Variants in GALNT7 observed in about 807,000 individuals in gnomAD.
GALNT7 encodes the protein polypeptide N-acetylgalactosaminyltransferase 7.
A neutral mutation model predicts 82.1 loss-of-function variants in GALNT7; 60 were observed. That is an observed-to-expected ratio of 0.73 (90% CI 0.59 to 0.91). GALNT7 has a LOEUF of 0.91. Among genes scored for constraint, GALNT7 ranks in the 40% least tolerant of loss-of-function variants. The pLI is 0.00. For synonymous variants in GALNT7, 243 were observed against 275.1 expected, an observed-to-expected ratio of 0.88 and a Z score of 1.15; for missense variants, 660 against 804.2, an observed-to-expected ratio of 0.82 and a Z score of 2.17.
intron 1 of GALNT7, among the ~76,000 whole-genome samples, chr4:173,193,668 G>A (rs1353054257): frequency 6.6e-6 from 1 of 152,102 alleles, no homozygotes; most frequent in Non-Finnish European, 1.5e-5. Context: ...GTGTAAATAA[G>A]TGATAAAGCA....
intron 1 of GALNT7, among the ~76,000 whole-genome samples, chr4:173,216,727 A>ATATATATATATTTTTTTTTTT (rs71244915): frequency 1.5e-4 from 2 of 12,980 alleles, no homozygotes; most frequent in African/African-American, 5.6e-4. Flanking sequence ...ATATATATAT[A>ATATATATATATTTTTTTTTTT]TTTTTTTTTT....
chr4:173,318,756 T>C, intron 11 of GALNT7, 197 bp downstream of exon 11: 1 of 440,488 alleles, frequency 2.3e-6, no homozygotes. Flanking sequence ...TTTTGTTCTC[T>C]CTTACAATAT....
At chr4:173,301,400 C>G (rs1736929244) in intron 6 of GALNT7, among the ~76,000 whole-genome samples, 1 of 152,010 alleles carries the variant, frequency 6.6e-6, no homozygotes, top group Admixed American at 6.6e-5. Context: ...TTCTCTTGGA[C>G]CTAAAAAGTG....
At position 173,318,692 on chromosome 4, in the gene GALNT7, T is replaced by C; in HGVS notation, c.1836+133T>C. On this transcript the variant is annotated intron_variant, in intron 11 of 11. Coordinates refer to ENST00000265000, the MANE Select transcript of GALNT7 (RefSeq NM_017423.3). Reference sequence around the variant, plus strand: ...TGCATTTTCCTCTCATTTAGTCCCTTGCATAGGTTTTCCTGAGCACTGGAT... The same window carrying C: ...TGCATTTTCCTCTCATTTAGTCCCTCGCATAGGTTTTCCTGAGCACTGGAT... The C allele has an allele frequency of 1.2e-5, 7 of 601,860 alleles. No individual in the cohort carries two copies. In the South Asian group the frequency reaches 1.4e-4, roughly 12 times the overall value. The allele number at this position is 601,860 out of a possible 1,614,324, so 37.3% of individuals were successfully genotyped here.
At chr4:173,219,931 A>C (rs1229500876) in intron 1 of GALNT7, among the ~76,000 whole-genome samples, 1 of 151,316 alleles carries the variant, frequency 6.6e-6, no homozygotes, top group African/African-American at 2.4e-5. Context: ...ATTTTCTCCC[A>C]CTCTGTGGGT....
At chr4:173,271,219 A>G (rs914573822) in intron 2 of GALNT7, among the ~76,000 whole-genome samples, 13 of 152,144 alleles carry the variant, frequency 8.5e-5, no homozygotes, top group Admixed American at 8.5e-4. Context: ...TTTTTATGAG[A>G]ATAAAGGTAT....
rs916179980 is a variant in GALNT7 at position 173,323,273 on chromosome 4, A to G, written c.*1556A>G. 6.6e-6 allele frequency: 1 copy of G among 152,604 alleles called. No homozygotes were observed. Among genetic ancestry groups the G allele is most frequent in the Non-Finnish European group, 1.5e-5 (1 of 67,994 alleles). The allele number at this position is 152,604 out of a possible 1,614,324, so 9.5% of individuals were successfully genotyped here. ...TTGTTTTTTAATTTAAGAGGGAAAT[A>G]TAACCTATAAATTTGTTTCTTCCAA... On this transcript the variant is annotated 3_prime_UTR_variant, in exon 12 of 12. Transcript: ENST00000265000.
chr4:173,292,092 A>G lies in GALNT7; in HGVS notation c.588-16A>G. 1.9e-6 allele frequency: 3 copies of G among 1,580,252 alleles called. No individual in the cohort carries two copies. Among genetic ancestry groups the G allele is most frequent in the South Asian group, 1.1e-5 (1 of 87,986 alleles). ...GATTACCTGTAAATAAATATGATGA[A>G]ATTTTCTCTTTACAGATGCAAGTAT... On this transcript the variant is annotated splice_polypyrimidine_tract_variant and intron_variant, in intron 2 of 11. Transcript: ENST00000265000. The surrounding 1 kb of genome is among the most constrained non-coding windows in gnomAD (Gnocchi z 4.8).
chr4:173,285,234 T>C (rs963314731), intron 2 of GALNT7, among the ~76,000 whole-genome samples: 1 of 152,336 alleles, frequency 6.6e-6, no homozygotes, highest in East Asian at 1.9e-4. Context: ...TGCATGCAAA[T>C]CCATGTTCAG....
chr4:173,169,860 G>A (rs1037948511), intron 1 of GALNT7, among the ~76,000 whole-genome samples: 17 of 152,096 alleles, frequency 1.1e-4, no homozygotes, highest in Non-Finnish European at 1.5e-4. Flanking sequence ...TCGGCGCCCG[G>A]CCGCCCCGCG....
At chr4:173,293,842 A>G (rs1449968421) in intron 3 of GALNT7, among the ~76,000 whole-genome samples, 1 of 152,214 alleles carries the variant, frequency 6.6e-6, no homozygotes, top group East Asian at 1.9e-4. Context: ...CAGCTCAGAC[A>G]CTGCCTGCAG....
intron 1 of GALNT7, among the ~76,000 whole-genome samples, chr4:173,226,650 T>A (rs1561162569): frequency 6.6e-6 from 1 of 152,144 alleles, no homozygotes; most frequent in Non-Finnish European, 1.5e-5. Flanking sequence ...CAACTGTCTG[T>A]CTTCTGTGTG....
chr4:173,170,420 G>C (rs574664350), intron 1 of GALNT7, among the ~76,000 whole-genome samples: 3 of 152,336 alleles, frequency 2.0e-5, no homozygotes, highest in Non-Finnish European at 2.9e-5. Flanking sequence ...CCTAGGAGGA[G>C]ATCCCATTAT....
chr4:173,318,039 A>G (rs1050738807), intron 10 of GALNT7, among the ~76,000 whole-genome samples: 6 of 152,148 alleles, frequency 3.9e-5, no homozygotes, highest in African/African-American at 1.4e-4. Context: ...GCTCCCTAAC[A>G]ATTTTTTGCA....
chr4:173,280,205 T>G (rs926543015), intron 2 of GALNT7, among the ~76,000 whole-genome samples: 1 of 152,148 alleles, frequency 6.6e-6, no homozygotes, highest in Non-Finnish European at 1.5e-5. Flanking sequence ...CACAAAAGCA[T>G]GCACACACAC....
rs115176946 is a variant in GALNT7, at chr4:173,229,359, T to G, written c.127-18621T>G. On this transcript the variant is annotated intron_variant, in intron 1 of 11. Coordinates refer to ENST00000265000, the MANE Select transcript of GALNT7 (RefSeq NM_017423.3). ...GTTTGAAAATAAAGGAAATTTTTAT[T>G]GAAATAAATGTATTGAAATTAACAG... Among the ~76,000 whole-genome samples, 347 of 152,314 alleles carry G rather than the reference T, an allele frequency of 2.3e-3. 1 individual carries two copies. Among genetic ancestry groups the G allele is most frequent in the African/African-American group, 7.9e-3 (329 of 41,568 alleles).
intron 1 of GALNT7, among the ~76,000 whole-genome samples, chr4:173,247,488 C>T (rs556683324): frequency 1.3e-5 from 2 of 152,046 alleles, no homozygotes; most frequent in South Asian, 4.2e-4. Context: ...TGTTCCTCTG[C>T]CATTTGGGGC....
At chr4:173,287,264 G>A (rs1736359699) in intron 2 of GALNT7, among the ~76,000 whole-genome samples, 1 of 152,200 alleles carries the variant, frequency 6.6e-6, no homozygotes, top group Non-Finnish European at 1.5e-5. Flanking sequence ...CCCATTTTCT[G>A]ATGCTATCAT....
intron 3 of GALNT7, among the ~76,000 whole-genome samples, chr4:173,293,710 C>A (rs1736619396): frequency 6.6e-6 from 1 of 152,168 alleles, no homozygotes. Context: ...TAAAAGCAAA[C>A]CCACACTCTC....
Sources: gnomAD v4.1 joint callset for allele counts (sites outside exome capture counted in the v4.1 genomes callset) on GRCh38, gnomAD v4.1.1 for gene constraint, Gnocchi (gnomAD v3.1) non-coding constraint, MANE v1.5 for transcripts, NCBI Gene and HGNC (gene_info 2026-07-23, HGNC 2026-07-21) for gene names.